Variants in RASGEF1A observed in about 807,000 individuals in gnomAD.
The protein encoded by RASGEF1A is ras-GEF domain-containing family member 1A.
A neutral mutation model predicts 56.4 loss-of-function variants in RASGEF1A; 18 were observed. The ratio of observed to expected loss-of-function variants is 0.32; its 90% CI spans 0.22 to 0.47. The LOEUF (loss-of-function observed/expected upper bound fraction) is 0.47. RASGEF1A is among the 20% of genes least tolerant of loss of function. The pLI is 1.00. For synonymous variants in RASGEF1A, 245 were observed against 242.6 expected, an observed-to-expected ratio of 1.01 and a Z score of -0.09; for missense variants, 422 against 627.1, an observed-to-expected ratio of 0.67 and a Z score of 3.49.
chr10:43,235,652 C>A (rs1053103267), intron 1 of RASGEF1A, among the ~76,000 whole-genome samples: 8 of 152,208 alleles, frequency 5.3e-5, no homozygotes, highest in Non-Finnish European at 1.2e-4. Context: ...AGGGAGGCGG[C>A]ACCAGTTAAA....
At chr10:43,246,175 T>A (rs1464877398) in intron 1 of RASGEF1A, among the ~76,000 whole-genome samples, 3 of 152,100 alleles carry the variant, frequency 2.0e-5, no homozygotes, top group African/African-American at 7.2e-5. Context: ...CGTAATAGCA[T>A]CAAAGAGAAT....
Position 43,201,851 on chromosome 10 carries a change from G to A in RASGEF1A, c.416C>T (p.Ala139Val), listed in dbSNP as rs750185716. 4 of 1,611,518 alleles carry A rather than the reference G, an allele frequency of 2.5e-6. 1 individual carries two copies. In the Admixed American group the frequency reaches 6.7e-5, roughly 27 times the overall value. ...ACGGTGTGTGATGGCTTTCAGCTCGGCCATGGCCTTCTCATCCTGGAAGTC... is the reference window on the plus strand; with the variant it reads ...ACGGTGTGTGATGGCTTTCAGCTCGACCATGGCCTTCTCATCCTGGAAGTC... ...PYDFQDEKAM[A>V]ELKAITHRVT... The change falls in exon 4 of 13, where the codon GCC becomes GTC. Residue 139 changes from alanine (A) to valine (V), a missense_variant. By Grantham distance (64) the Ala-to-Val change is moderately conservative (BLOSUM62 0). Coordinates refer to ENST00000395810, the MANE Select transcript of RASGEF1A (RefSeq NM_145313.4).
chr10:43,262,215 C>G (rs1036806830), intron 1 of RASGEF1A, among the ~76,000 whole-genome samples: 3 of 152,164 alleles, frequency 2.0e-5, no homozygotes, highest in Non-Finnish European at 4.4e-5. Context: ...GAACGCGCCC[C>G]CTCTCCTCTC....
At chr10:43,207,650 G>A in intron 1 of RASGEF1A, 1 of 985,540 alleles carries the variant, frequency 1.0e-6, no homozygotes, top group South Asian at 4.7e-5. Context: ...AGGACAGGGA[G>A]GTCATGGCTC....
chr10:43,228,426 G>A (rs1840311311), intron 1 of RASGEF1A, among the ~76,000 whole-genome samples: 1 of 152,210 alleles, frequency 6.6e-6, no homozygotes, highest in African/African-American at 2.4e-5. Flanking sequence ...GAAACGGGGT[G>A]GGGCCGTGGG....
intron 1 of RASGEF1A, among the ~76,000 whole-genome samples, chr10:43,224,042 T>C (rs1840242599): frequency 6.6e-6 from 1 of 152,010 alleles, no homozygotes; most frequent in Non-Finnish European, 1.5e-5. Flanking sequence ...TAACCAAAAA[T>C]AGAGTAAAAC....
At chr10:43,260,046 C>T (rs1836497888) in intron 1 of RASGEF1A, among the ~76,000 whole-genome samples, 1 of 152,166 alleles carries the variant, frequency 6.6e-6, no homozygotes, top group Non-Finnish European at 1.5e-5. Flanking sequence ...CTCTGCAGAC[C>T]CCAGAGGCTC....
At chr10:43,233,636 T>C (rs1840398268) in intron 1 of RASGEF1A, among the ~76,000 whole-genome samples, 1 of 152,118 alleles carries the variant, frequency 6.6e-6, no homozygotes, top group Non-Finnish European at 1.5e-5. Flanking sequence ...GCTGACGAGA[T>C]AGCACAACCC....
chr10:43,251,663 CA>C (rs1840628947), intron 1 of RASGEF1A, among the ~76,000 whole-genome samples: 1 of 152,198 alleles, frequency 6.6e-6, no homozygotes, highest in Non-Finnish European at 1.5e-5. Context: ...GAGCCCTGAG[CA>C]GACTGCGAAA....
At chr10:43,207,431 C>T (rs1417646615) in intron 1 of RASGEF1A, 1 of 958,832 alleles carries the variant, frequency 1.0e-6, no homozygotes, top group Non-Finnish European at 1.2e-6. Context: ...CACACACACA[C>T]ACACACACAC....
chr10:43,199,620 G>A lies in RASGEF1A; in HGVS notation c.849+56C>T. ...ATCTAATTCCTGGGGCAAGATCAGG[G>A]TCTCACTGGGTGTGGGCATGGCAGC... On this transcript the variant is annotated intron_variant, in intron 7 of 12. Coordinates refer to ENST00000395810, the MANE Select transcript of RASGEF1A (RefSeq NM_145313.4). The A allele has an allele frequency of 3.7e-6, 5 of 1,356,986 alleles. No individual in the cohort carries two copies. In the South Asian group the frequency reaches 4.7e-5, roughly 13 times the overall value. The allele number at this position is 1,356,986 out of a possible 1,614,324, so 84.1% of individuals were successfully genotyped here. A position where few individuals can be genotyped will look rare whatever the true frequency, so the allele number is the denominator to read the frequency against.
chr10:43,221,716 C>T (rs1232793129), intron 1 of RASGEF1A, among the ~76,000 whole-genome samples: 1 of 152,226 alleles, frequency 6.6e-6, no homozygotes, highest in African/African-American at 2.4e-5. Flanking sequence ...GTCCAAGGGG[C>T]CCGTGCTGCA....
chr10:43,231,370 C>A (rs559250749), intron 1 of RASGEF1A, among the ~76,000 whole-genome samples: 55 of 152,356 alleles, frequency 3.6e-4, no homozygotes, highest in African/African-American at 1.3e-3. Flanking sequence ...TACCGTAGCC[C>A]TGCAGAACAT....
At chr10:43,252,119 T>A (rs1840633234) in intron 1 of RASGEF1A, among the ~76,000 whole-genome samples, 1 of 152,160 alleles carries the variant, frequency 6.6e-6, no homozygotes. Flanking sequence ...CCAAGGACAG[T>A]GCCTGGGGCA....
chr10:43,251,496 G>C (rs1037815304), intron 1 of RASGEF1A, among the ~76,000 whole-genome samples: 3 of 152,310 alleles, frequency 2.0e-5, no homozygotes, highest in African/African-American at 7.2e-5. Flanking sequence ...AAGCCACACA[G>C]ATTGATTTAC....
intron 1 of RASGEF1A, among the ~76,000 whole-genome samples, chr10:43,211,926 C>T (rs758792239): frequency 1.8e-4 from 27 of 152,180 alleles, no homozygotes; most frequent in Non-Finnish European, 2.4e-4. Flanking sequence ...AAGGGAGAGA[C>T]GGAAGCTAGT....
At chr10:43,199,573 C>T in intron 7 of RASGEF1A, 103 bp downstream of exon 7, 1 of 904,388 alleles carries the variant, frequency 1.1e-6, no homozygotes, top group Non-Finnish European at 1.8e-6. Context: ...GGACTTTGTG[C>T]ATTCACTCTT....
chr10:43,236,561 T>C (rs1840434045), intron 1 of RASGEF1A, among the ~76,000 whole-genome samples: 1 of 152,240 alleles, frequency 6.6e-6, no homozygotes, highest in Non-Finnish European at 1.5e-5. Context: ...CTGGCCAGCA[T>C]ACACCTTCTC....
At chr10:43,238,155 A>T (rs1294406422) in intron 1 of RASGEF1A, among the ~76,000 whole-genome samples, 7 of 105,338 alleles carry the variant, frequency 6.6e-5, no homozygotes, top group Non-Finnish European at 9.8e-5. Flanking sequence ...GCCATCACAG[A>T]GTAACACCTG....
Sources: gnomAD v4.1 joint callset for allele counts (sites outside exome capture counted in the v4.1 genomes callset) on GRCh38, gnomAD v4.1.1 for gene constraint, MANE v1.5 for transcripts, NCBI Gene and HGNC (gene_info 2026-07-23, HGNC 2026-07-21) for gene names.